The following NAA60 variants were observed in gnomAD, a reference collection of about 807,000 sequenced individuals.
NAA60 encodes the protein N-alpha-acetyltransferase 60, NatF catalytic subunit.
Under a neutral mutation model 26.1 loss-of-function variants are expected in NAA60, and 8 were observed. The ratio of observed to expected loss-of-function variants is 0.31; its 90% confidence interval spans 0.18 to 0.55. The LOEUF is 0.55. NAA60 is among the 20% of genes least tolerant of loss of function. NAA60 has a pLI of 0.93. For missense variants in NAA60, 290 were observed against 311.3 expected, an observed-to-expected ratio of 0.93 and a Z score of 0.51; for synonymous variants, 131 against 122.5, an observed-to-expected ratio of 1.07 and a Z score of -0.46.
intron 2 of NAA60, among the ~76,000 whole-genome samples, chr16:3,459,414 A>T (rs375884726): frequency 8.0e-4 from 122 of 152,350 alleles, no homozygotes; most frequent in African/African-American, 2.7e-3. Context: ...AAATACACAC[A>T]TATCAGTGAA....
chr16:3,481,741 A>G (rs557357303), intron 4 of NAA60, among the ~76,000 whole-genome samples: 5 of 152,310 alleles, frequency 3.3e-5, no homozygotes, highest in South Asian at 4.1e-4. Context: ...GGCCTGGAGT[A>G]ACAAGAGTGA....
intron 2 of NAA60, chr16:3,458,010 G>A: frequency 1.0e-6 from 1 of 985,382 alleles, no homozygotes. Flanking sequence ...TGCGCTGCCG[G>A]CAGGGAGCGG....
At chr16:3,464,370 G>A (rs2035604416) in intron 2 of NAA60, among the ~76,000 whole-genome samples, 1 of 152,188 alleles carries the variant, frequency 6.6e-6, no homozygotes, top group South Asian at 2.1e-4. Context: ...ACCCAGAGAA[G>A]CAGAGAGTAA....
intron 2 of NAA60, among the ~76,000 whole-genome samples, chr16:3,453,445 C>G (rs541085224): frequency 1.3e-5 from 2 of 152,038 alleles, no homozygotes; most frequent in East Asian, 1.9e-4. Flanking sequence ...GAGTTTCGCT[C>G]TCGTCCAGGC....
At chr16:3,450,264 G>A (rs573273889) in intron 2 of NAA60, 1 of 306,782 alleles carries the variant, frequency 3.3e-6, no homozygotes, top group Admixed American at 5.0e-5. Context: ...AGGCAGAGCA[G>A]AGGCTGGTCA....
At chr16:3,457,412 C>T (rs2035048375) in intron 2 of NAA60, among the ~76,000 whole-genome samples, 1 of 152,200 alleles carries the variant, frequency 6.6e-6, no homozygotes, top group African/African-American at 2.4e-5. Flanking sequence ...GCCGAGATTG[C>T]GCCCCAGGCT....
rs938256507 is a variant in NAA60 at position 3,483,713 on chromosome 16, T to G, written c.572+116T>G. The G allele has an allele frequency of 9.1e-6, 7 of 767,656 alleles. No homozygotes were observed. The African/African-American group carries it at 1.2e-4, about 14-fold the overall frequency. 47.6% of individuals were successfully genotyped at this position (767,656 alleles called of 1,614,324 possible). A position where few individuals can be genotyped will look rare whatever the true frequency, so the allele number is the denominator to read the frequency against. On this transcript the variant is annotated intron_variant, in intron 6 of 7. Coordinates refer to ENST00000407558, the MANE Select transcript of NAA60 (RefSeq NM_001083601.3). ...GATGATGTTCAGGTGGCCAAGCTTA[T>G]GGATGCTTCTCTCCCTTACCTGATC...
At chr16:3,463,929 CA>C (rs1007669816) in intron 2 of NAA60, among the ~76,000 whole-genome samples, 1 of 151,766 alleles carries the variant, frequency 6.6e-6, no homozygotes, top group African/African-American at 2.4e-5. Context: ...AAGGTTATTG[CA>C]AAAAAAAGAT....
intron 2 of NAA60, among the ~76,000 whole-genome samples, chr16:3,457,112 A>G (rs1052536464): frequency 1.3e-5 from 2 of 152,164 alleles, no homozygotes; most frequent in African/African-American, 2.4e-5. Flanking sequence ...TCTTATAACC[A>G]GTTCTCTTCA....
chr16:3,484,751 A>G lies in NAA60; in HGVS notation c.625A>G (p.Ile209Val). 2 of 1,595,414 alleles carry G rather than the reference A, an allele frequency of 1.3e-6. No individual in the cohort carries two copies. The highest frequency in any genetic ancestry group is 8.5e-7 in the Non-Finnish European group (1 of 1,171,916). The change falls in exon 7 of 8, where the codon ATT becomes GTT. Residue 209 changes from isoleucine (I) to valine (V), a missense_variant. Transcript: ENST00000407558. ...SALASLSPCS[I>V]PHRVYRQAHS... The stretch of plus-strand genomic sequence containing the variant: ...ACTAGCCAGCCTGAGCCCCTGCTCC[A>G]TTCCGCACAGAGTCTACCGCCAGGC...
chr16:3,484,512 T>C, intron 6 of NAA60, 187 bp from the exon 7 acceptor site: 1 of 716,370 alleles, frequency 1.4e-6, no homozygotes, highest in Non-Finnish European at 2.3e-6. Context: ...CTCTGTTGTT[T>C]TGCACAGCAG....
intron 2 of NAA60, among the ~76,000 whole-genome samples, chr16:3,475,079 C>A (rs377609854): frequency 6.7e-6 from 1 of 148,884 alleles, no homozygotes; most frequent in African/African-American, 2.5e-5. Flanking sequence ...CCACACCCAG[C>A]CTTCCATCCT....
intron 2 of NAA60, among the ~76,000 whole-genome samples, chr16:3,463,314 G>A (rs1441317814): frequency 1.3e-5 from 2 of 151,818 alleles, no homozygotes; most frequent in Admixed American, 6.6e-5. Flanking sequence ...TTGGGAGGCC[G>A]AGGTAGGTGG....
chr16:3,479,426 G>T, intron 3 of NAA60, 45 bp from the exon 4 acceptor site: 1 of 1,605,336 alleles, frequency 6.2e-7, no homozygotes, highest in East Asian at 2.2e-5. Flanking sequence ...ACCATAGTTG[G>T]ACTTGACCTG....
rs1452284919 is a variant in NAA60 at position 3,445,274 on chromosome 16, C to CTTTTTT, written c.-77+1438_-77+1439insTTTTTT. Among the ~76,000 whole-genome samples the CTTTTTT allele has an allele frequency of 2.4e-5, 3 of 125,532 alleles. 1 individual carries two copies. The highest frequency in any genetic ancestry group is 3.2e-5 in the Non-Finnish European group (2 of 61,858). 82.4% of individuals were successfully genotyped at this position (125,532 alleles called of 152,430 possible). A position where few individuals can be genotyped will look rare whatever the true frequency, so the allele number is the denominator to read the frequency against. On this transcript the variant is annotated intron_variant, in intron 1 of 7. Coordinates refer to ENST00000407558, the MANE Select transcript of NAA60 (RefSeq NM_001083601.3). ...CTTTCCCTTCTTGGTTTGTGCTTATCTCTTTTTTTTTTTTTTTTTTGAGAC... is the reference window on the plus strand; with the variant it reads ...CTTTCCCTTCTTGGTTTGTGCTTATCTTTTTTTCTTTTTTTTTTTTTTTTTTGAGAC...
At chr16:3,466,685 C>T (rs1284020104) in intron 2 of NAA60, among the ~76,000 whole-genome samples, 1 of 152,126 alleles carries the variant, frequency 6.6e-6, no homozygotes, top group Non-Finnish European at 1.5e-5. Flanking sequence ...CCTTGAGCTT[C>T]TCTTGAGCAG....
At chr16:3,455,253 G>C (rs2034931559) in intron 2 of NAA60, among the ~76,000 whole-genome samples, 1 of 151,900 alleles carries the variant, frequency 6.6e-6, no homozygotes, top group African/African-American at 2.4e-5. Context: ...GTAGAGATGG[G>C]GTTTCACCAT....
At chr16:3,445,613 G>T (rs1596275127) in intron 1 of NAA60, among the ~76,000 whole-genome samples, 1 of 151,872 alleles carries the variant, frequency 6.6e-6, no homozygotes, top group Non-Finnish European at 1.5e-5. Context: ...GTCTCATTGT[G>T]GTCTGAGATT....
chr16:3,459,779 C>T (rs1054322737), intron 2 of NAA60, among the ~76,000 whole-genome samples: 1 of 152,190 alleles, frequency 6.6e-6, no homozygotes, highest in Non-Finnish European at 1.5e-5. Flanking sequence ...TGTGTCCGTC[C>T]TATCTTTAGC....
Sources: allele counts gnomAD v4.1 joint callset (sites outside exome capture counted in the v4.1 genomes callset), GRCh38; gene constraint gnomAD v4.1.1; transcripts MANE v1.5; gene names NCBI Gene and HGNC (gene_info 2026-07-23, HGNC 2026-07-21).